Variants in DNAH8 observed in about 807,000 individuals in gnomAD.
The protein encoded by DNAH8 is dynein axonemal heavy chain 8.
A neutral mutation model predicts 562.1 loss-of-function variants in DNAH8; 382 were observed. The observed-to-expected ratio is 0.68, with a 90% confidence interval of 0.63 to 0.74. DNAH8 has a LOEUF of 0.74. Ranked by LOEUF, DNAH8 falls within the 30% of genes least tolerant of loss-of-function variation. The probability of loss-of-function intolerance (pLI) is 0.00; values close to 1 mark genes in which losing one functional copy is unlikely to be tolerated. For synonymous variants in DNAH8, 1,881 were observed against 1,919.4 expected (o/e 0.98, Z 0.52); for missense variants, 5,203 against 5,620.4 (o/e 0.93, Z 2.37).
At chr6:38,949,902 A>C (rs1761743039) in intron 81 of DNAH8, among the ~76,000 whole-genome samples, 1 of 152,180 alleles carries the variant, frequency 6.6e-6, no homozygotes, top group African/African-American at 2.4e-5. Context: ...TTTACCATTG[A>C]GTGTAAATCA....
At chr6:38,957,866 C>CAA (rs1209427701) in intron 82 of DNAH8, among the ~76,000 whole-genome samples, 1,828 of 75,644 alleles carry the variant, frequency 0.024, 69 homozygotes, top group African/African-American at 0.069. Flanking sequence ...ATGCCTACAC[C>CAA]AAAAAAAAAA....
At chr6:38,800,812 G>C (rs561380901) in intron 21 of DNAH8, among the ~76,000 whole-genome samples, 1 of 152,224 alleles carries the variant, frequency 6.6e-6, no homozygotes, top group African/African-American at 2.4e-5. Context: ...GTGAGCCACC[G>C]TGCCCTGCCT....
At chr6:38,771,627 A>G (rs539359180) in intron 12 of DNAH8, among the ~76,000 whole-genome samples, 32 of 152,324 alleles carry the variant, frequency 2.1e-4, no homozygotes, top group African/African-American at 7.2e-4. Context: ...GACACTTTAT[A>G]TAAATGAAAT....
intron 49 of DNAH8, 55 bp downstream of exon 49, chr6:38,870,617 C>A: frequency 6.6e-7 from 1 of 1,517,814 alleles, no homozygotes. Context: ...TTAAACATTC[C>A]TGTCTGAATA....
intron 45 of DNAH8, 83 bp from the exon 46 acceptor site, chr6:38,866,508 T>A: frequency 1.0e-6 from 1 of 967,998 alleles, no homozygotes; most frequent in South Asian, 1.7e-5. Flanking sequence ...TCTTAAAATC[T>A]GAATTAGGGG....
chr6:38,824,099 A>G (rs1424826289), intron 28 of DNAH8, among the ~76,000 whole-genome samples: 2 of 152,194 alleles, frequency 1.3e-5, no homozygotes, highest in Non-Finnish European at 2.9e-5. Flanking sequence ...AAGTCTGCCA[A>G]GAAGTTGATC....
At position 38,875,638 on chromosome 6, in the gene DNAH8, T is replaced by C; in HGVS notation, c.7668T>C (p.Gly2556=). The change falls in exon 53 of 93, where the codon GGT becomes GGC. Residue 2556 remains glycine (G), a synonymous_variant. Transcript: ENST00000327475. ...EGLIPSKEEG[G]VSCVEHLHKL... ...TAATTCCCTCCAAAGAAGAAGGCGG[T>C]GTTTCCTGTGTCGAACATCTTCATA... 6.2e-7 allele frequency: 1 copy of C among 1,613,552 alleles called. No homozygotes were observed. The highest frequency in any genetic ancestry group is 8.5e-7 in the Non-Finnish European group (1 of 1,179,590).
In DNAH8 at chr6:38,898,132, G is replaced by A. The variant is rs957482522; in HGVS notation, c.8941-126G>A. 11 of 870,800 alleles carry A rather than the reference G, an allele frequency of 1.3e-5. No individual in the cohort carries two copies. The Admixed American group carries it at 2.1e-4, about 16-fold the overall frequency. 53.9% of individuals were successfully genotyped at this position (870,800 alleles called of 1,614,324 possible). ...TAGACTAATACGTGAGAAACCTCTG[G>A]AAATCCATAACGTTTAAAAAAAGAT... On this transcript the variant is annotated intron_variant, in intron 60 of 92. Coordinates refer to ENST00000327475, the MANE Select transcript of DNAH8 (RefSeq NM_001206927.2).
At chr6:38,861,950 T>TTTTTTTG (rs1369678117) in intron 43 of DNAH8, among the ~76,000 whole-genome samples, 2 of 46,100 alleles carry the variant, frequency 4.3e-5, no homozygotes, top group Admixed American at 6.0e-4. Flanking sequence ...GAAAACCAGG[T>TTTTTTTG]TTTTTTTTTT....
At chr6:38,750,325 CA>C (rs1411066484) in intron 8 of DNAH8, 150 bp from the exon 9 acceptor site, 8 of 461,008 alleles carry the variant, frequency 1.7e-5, no homozygotes, top group East Asian at 1.7e-4. Context: ...AACTTTGTCT[CA>C]AGTATTATAA....
At chr6:38,923,029 T>A (rs917978176) in intron 71 of DNAH8, 29 bp from the exon 72 acceptor site, 1 of 1,597,264 alleles carries the variant, frequency 6.3e-7, no homozygotes, top group Non-Finnish European at 8.5e-7. Context: ...AGAAAAGTTT[T>A]TTGAGACATT....
chr6:38,803,050 T>G lies in DNAH8; in HGVS notation c.2902-129T>G, dbSNP rs1770919159. The stretch of plus-strand genomic sequence containing the variant: ...TTTGAATCTGAAGCATTATGCCATT[T>G]TCAGCTATCTCTAGCTTTTTTTTTC... On this transcript the variant is annotated intron_variant, in intron 21 of 92. Transcript: ENST00000327475. 3.4e-5 allele frequency: 22 copies of G among 638,078 alleles called. No homozygotes were observed. The South Asian group carries it at 5.9e-4, about 17-fold the overall frequency. The allele number at this position is 638,078 out of a possible 1,614,324, so 39.5% of individuals were successfully genotyped here.
At chr6:38,770,710 T>C (rs1767482884) in intron 12 of DNAH8, 151 bp downstream of exon 12, 1 of 692,952 alleles carries the variant, frequency 1.4e-6, no homozygotes, top group Non-Finnish European at 2.1e-6. Flanking sequence ...CACTGCATTT[T>C]ATTATAACTT....
At chr6:38,815,808 G>T in intron 26 of DNAH8, 151 bp downstream of exon 26, 1 of 679,622 alleles carries the variant, frequency 1.5e-6, no homozygotes. Context: ...TTTTTTCCTG[G>T]CTTTGGGTGG....
intron 4 of DNAH8, among the ~76,000 whole-genome samples, chr6:38,732,563 A>C (rs1003650529): frequency 6.6e-6 from 1 of 152,196 alleles, no homozygotes; most frequent in Admixed American, 6.5e-5. Flanking sequence ...CGGAAGGTGG[A>C]TAACAAAATT....
chr6:38,918,499 T>G (rs1177548256), intron 70 of DNAH8, among the ~76,000 whole-genome samples: 2 of 152,220 alleles, frequency 1.3e-5, no homozygotes, highest in African/African-American at 4.8e-5. Flanking sequence ...CTTATAAAAT[T>G]AGGTTTGACA....
intron 89 of DNAH8, among the ~76,000 whole-genome samples, chr6:39,009,312 A>G (rs1175698322): frequency 1.3e-5 from 2 of 152,162 alleles, no homozygotes; most frequent in African/African-American, 2.4e-5. Context: ...AAAAAAAAAA[A>G]AAACTCAAAA....
chr6:38,852,750 C>T lies in DNAH8; in HGVS notation c.5523C>T (p.Asp1841=), dbSNP rs990596835. 1 of 1,613,590 alleles carries T rather than the reference C, an allele frequency of 6.2e-7. No homozygotes were observed. Among genetic ancestry groups the T allele is most frequent in the Non-Finnish European group, 8.5e-7 (1 of 1,179,800 alleles). Residue 1841 remains aspartate, a synonymous_variant, in exon 40 of 93, where the codon GAC becomes GAT. Transcript: ENST00000327475. ...NINEVTFHAK[D]YDRIMAVISR... The stretch of plus-strand genomic sequence containing the variant: ...ATGAGGTGACATTTCATGCAAAAGA[C>T]TATGATCGCATCATGGCCGTCATAT...
intron 85 of DNAH8, among the ~76,000 whole-genome samples, chr6:38,982,054 G>C (rs1198997327): frequency 6.6e-6 from 1 of 152,186 alleles, no homozygotes; most frequent in East Asian, 1.9e-4. Context: ...CAGGTTTGTA[G>C]CCTGGGAGCA....
Sources: allele counts gnomAD v4.1 joint callset (sites outside exome capture counted in the v4.1 genomes callset), GRCh38; gene constraint gnomAD v4.1.1; transcripts MANE v1.5; gene names NCBI Gene and HGNC (gene_info 2026-07-23, HGNC 2026-07-21).